The following MASTL variants were observed in gnomAD, a reference collection of about 807,000 sequenced individuals.
MASTL encodes the protein microtubule associated serine/threonine kinase like, also known as serine/threonine-protein kinase greatwall.
MASTL carries 54 observed loss-of-function variants against 82.5 expected under a neutral mutation model. The ratio of observed to expected loss-of-function variants is 0.65; its 90% CI spans 0.53 to 0.82. The LOEUF is 0.82. MASTL is among the 40% of genes least tolerant of loss of function. The pLI, the probability that MASTL is intolerant of heterozygous loss-of-function variation, is 0.00. For missense variants in MASTL, 950 were observed against 1,047.8 expected, an observed-to-expected ratio of 0.91 and a Z score of 1.29; for synonymous variants, 323 against 368.9, an observed-to-expected ratio of 0.88 and a Z score of 1.43.
At chr10:27,185,618 CAAAAA>C (rs34847161) in intron 11 of MASTL, among the ~76,000 whole-genome samples, 2 of 98,584 alleles carry the variant, frequency 2.0e-5, no homozygotes, top group Admixed American at 1.2e-4. Flanking sequence ...AGGTGACAGA[CAAAAA>C]AAAAAAAAAA....
chr10:27,163,849 C>T (rs1358767142), intron 4 of MASTL, among the ~76,000 whole-genome samples: 3 of 151,878 alleles, frequency 2.0e-5, no homozygotes, highest in African/African-American at 7.3e-5. Context: ...CCAGGATGGT[C>T]TTGATCTCCT....
chr10:27,184,306 G>A (rs788219), intron 11 of MASTL, among the ~76,000 whole-genome samples: 13,445 of 152,226 alleles, frequency 0.088, 813 homozygotes, highest in Middle Eastern at 0.14. Flanking sequence ...AGGGGCATTT[G>A]AGCAGAAACC....
At position 27,165,141 on chromosome 10, in the gene MASTL, G is replaced by T; in HGVS notation, c.631G>T (p.Val211Leu). 5.6e-6 allele frequency: 9 copies of T among 1,613,468 alleles called. No individual in the cohort carries two copies. The highest frequency in any genetic ancestry group is 7.6e-6 in the Non-Finnish European group (9 of 1,179,450). ...AGATTATTCAAGAACCCCAGGACAAGTGTTATCGCTTATCAGCTCGTTGGG... is the reference window on the plus strand; with the variant it reads ...AGATTATTCAAGAACCCCAGGACAATTGTTATCGCTTATCAGCTCGTTGGG... ...RQDYSRTPGQ[V>L]LSLISSLGFN... is the part of the protein sequence containing the mutation. The change falls in exon 5 of 12, where the codon GTG becomes TTG. Residue 211 changes from valine (V) to leucine (L), a missense_variant. Transcript: ENST00000375940.
Position 27,165,454 on chromosome 10 carries a change from A to T in MASTL, c.726A>T (p.Thr242=). The T allele has an allele frequency of 2.5e-6, 4 of 1,614,148 alleles. No individual in the cohort carries two copies. The highest frequency in any genetic ancestry group is 3.4e-6 in the Non-Finnish European group (4 of 1,179,992). ...ANILSACLSE[T]SQLSQGLVCP... is the part of the protein sequence containing the mutation. Reference sequence around the variant, plus strand: ...TCCTTTCAGCCTGTCTGTCTGAAACATCACAGCTTTCTCAAGGACTCGTAT... The same window carrying T: ...TCCTTTCAGCCTGTCTGTCTGAAACTTCACAGCTTTCTCAAGGACTCGTAT... Residue 242 remains threonine (T), a synonymous_variant, in exon 6 of 12, where the codon ACA becomes ACT. Transcript: ENST00000375940.
In MASTL at chr10:27,170,640, G is replaced by T; in HGVS notation, c.1681G>T (p.Ala561Ser). Residue 561 changes from alanine (A) to serine (S), a missense_variant, in exon 8 of 12, where the codon GCT becomes TCT. Physicochemically the swap from Ala to Ser is moderately conservative, Grantham distance 99 (BLOSUM62 1). Coordinates refer to ENST00000375940, the MANE Select transcript of MASTL (RefSeq NM_001172303.3). ...TTTTCTATGTTCTGATGATGATAGA[G>T]CTTCTAAAAATATTTCTATGAACTC... is the stretch of plus-strand genomic sequence containing the variant. Reference protein sequence around the residue: ...SSFLCSDDDRASKNISMNSDS... With the variant: ...SSFLCSDDDRSSKNISMNSDS... 2 of 1,607,614 alleles carry T rather than the reference G, an allele frequency of 1.2e-6. No homozygotes were observed. The highest frequency in any genetic ancestry group is 1.7e-6 in the Non-Finnish European group (2 of 1,178,002).
At chr10:27,155,661 C>CT in intron 1 of MASTL, 49 bp downstream of exon 1, 3 of 1,604,774 alleles carry the variant, frequency 1.9e-6, no homozygotes, top group Non-Finnish European at 2.6e-6. Context: ...TTCGGCCCTC[C>CT]TTCCTGCCCC....
rs547580644 is a variant in MASTL, at chr10:27,164,446, T to C, written c.554-618T>C. Among the ~76,000 whole-genome samples, 57 of 152,304 alleles carry C rather than the reference T, an allele frequency of 3.7e-4. 1 individual carries two copies. In the South Asian group the frequency reaches 0.011, roughly 30 times the overall value. On this transcript the variant is annotated intron_variant, in intron 4 of 11. Coordinates refer to ENST00000375940, the MANE Select transcript of MASTL (RefSeq NM_001172303.3). The stretch of plus-strand genomic sequence containing the variant: ...GAGCCACCATGCCTGGATAAGAACA[T>C]TAGACTTCTCTTACCATTTTTTATA...
At chr10:27,178,984 C>T (rs2058189191) in intron 9 of MASTL, among the ~76,000 whole-genome samples, 1 of 152,080 alleles carries the variant, frequency 6.6e-6, no homozygotes, top group African/African-American at 2.4e-5. Flanking sequence ...ATGCATGCAG[C>T]TATTTTTCCT....
intron 3 of MASTL, among the ~76,000 whole-genome samples, chr10:27,160,349 A>G (rs1686954618): frequency 6.6e-6 from 1 of 151,890 alleles, no homozygotes; most frequent in South Asian, 2.1e-4. Context: ...CCTCTGCATT[A>G]TACAAAAGTG....
Position 27,170,627 on chromosome 10 carries a change from T to C in MASTL, c.1668T>C (p.Ser556=). 1.2e-6 allele frequency: 2 copies of C among 1,606,956 alleles called. No homozygotes were observed. Among genetic ancestry groups the C allele is most frequent in the Non-Finnish European group, 1.7e-6 (2 of 1,177,438 alleles). Residue 556 remains serine (S), a synonymous_variant, in exon 8 of 12, where the codon TCT becomes TCC. Transcript: ENST00000375940. ...ACTTAAGTTCTAGTTTTCTATGTTC[T>C]GATGATGATAGAGCTTCTAAAAATA... The part of the protein sequence containing the change: ...RDYLSSSFLC[S]DDDRASKNIS...
intron 4 of MASTL, among the ~76,000 whole-genome samples, chr10:27,163,532 C>T (rs577757119): frequency 1.8e-4 from 27 of 151,746 alleles, no homozygotes; most frequent in African/African-American, 6.3e-4. Context: ...ATATCATATA[C>T]GTGTATTATT....
chr10:27,185,091 T>C (rs1012179748), intron 11 of MASTL, among the ~76,000 whole-genome samples: 1 of 152,176 alleles, frequency 6.6e-6, no homozygotes, highest in African/African-American at 2.4e-5. Context: ...CTGTCATCAG[T>C]ATCTATTCTT....
chr10:27,157,404 G>A (rs2057427445), intron 1 of MASTL, among the ~76,000 whole-genome samples: 1 of 152,148 alleles, frequency 6.6e-6, no homozygotes, highest in Admixed American at 6.6e-5. Flanking sequence ...AAACACACAT[G>A]CCCTCATAGC....
rs773933083 is a variant in MASTL at position 27,170,397 on chromosome 10, C to T, written c.1438C>T (p.Gln480Ter). 5 of 1,613,826 alleles carry T rather than the reference C, an allele frequency of 3.1e-6. No individual in the cohort carries two copies. The highest frequency in any genetic ancestry group is 4.2e-6 in the Non-Finnish European group (5 of 1,179,926). The change falls in exon 8 of 12, where the codon CAA (glutamine) becomes TAA (stop). Residue 480 changes from glutamine (Q) to a stop codon, truncating the protein, a stop_gained. Coordinates refer to ENST00000375940, the MANE Select transcript of MASTL (RefSeq NM_001172303.3). LOFTEE classifies it high-confidence loss of function. ...HNEMTNCYTN[Q>*]NTGLTVEVQD... Reference sequence around the variant, plus strand: ...CGAAATGACAAATTGTTATACAAATCAAAATACAGGCTTAACAGTTGAAGT... The same window carrying T: ...CGAAATGACAAATTGTTATACAAATTAAAATACAGGCTTAACAGTTGAAGT...
At chr10:27,175,791 T>C (rs1383371065) in intron 9 of MASTL, among the ~76,000 whole-genome samples, 3 of 152,020 alleles carry the variant, frequency 2.0e-5, no homozygotes, top group African/African-American at 2.4e-5. Context: ...TTTCAAATGT[T>C]GGGTCTCAAA....
At position 27,186,409 on chromosome 10, in the gene MASTL, T is replaced by C; in HGVS notation, c.2513T>C (p.Val838Ala). The change falls in exon 12 of 12, where the codon GTG becomes GCG. Residue 838 changes from valine (V) to alanine (A), a missense_variant. Transcript: ENST00000375940. ...ELKRHPLFSD[V>A]DWENLQHQTM... ...AAACGTCATCCTCTCTTCAGTGATG[T>C]GGACTGGGAAAATCTGCAGCATCAG... 1.2e-6 allele frequency: 2 copies of C among 1,614,210 alleles called. No homozygotes were observed. The highest frequency in any genetic ancestry group is 1.7e-6 in the Non-Finnish European group (2 of 1,180,014).
At chr10:27,185,111 A>G (rs183920202) in intron 11 of MASTL, among the ~76,000 whole-genome samples, 17 of 152,336 alleles carry the variant, frequency 1.1e-4, no homozygotes, top group African/African-American at 3.8e-4. Flanking sequence ...TGAAGTCACC[A>G]TGAAGGATAA....
At chr10:27,164,981 TTGTCA>T in intron 4 of MASTL, 78 bp from the exon 5 acceptor site, 1 of 930,802 alleles carries the variant, frequency 1.1e-6, no homozygotes. Flanking sequence ...AATTGTTTTG[TTGTCA>T]TATACATAAC....
chr10:27,172,031 G>A (rs1041424929), intron 8 of MASTL, among the ~76,000 whole-genome samples: 2 of 151,610 alleles, frequency 1.3e-5, no homozygotes, highest in East Asian at 2.0e-4. Flanking sequence ...GTTTCACCAC[G>A]TTGGCCAGGA....
Sources: allele counts gnomAD v4.1 joint callset (sites outside exome capture counted in the v4.1 genomes callset), GRCh38; gene constraint gnomAD v4.1.1; transcripts MANE v1.5; gene names NCBI Gene and HGNC (gene_info 2026-07-23, HGNC 2026-07-21).